Variants in HNF4A observed in about 807,000 individuals in gnomAD.
HNF4A encodes hepatocyte nuclear factor 4-alpha.
In HNF4A, 15 loss-of-function variants were observed where a neutral mutation model predicts 52.4. The ratio of observed to expected loss-of-function variants is 0.29; its 90% confidence interval spans 0.19 to 0.44. The LOEUF is 0.44. Ranked by LOEUF, HNF4A falls within the 20% of genes least tolerant of loss-of-function variation. The pLI is 1.00. For missense variants in HNF4A, 479 were observed against 647.2 expected (o/e 0.74, Z 2.82); for synonymous variants, 280 against 264.4 (o/e 1.06, Z -0.57).
intron 1 of HNF4A, among the ~76,000 whole-genome samples, chr20:44,404,570 G>A: frequency 6.6e-6 from 1 of 151,608 alleles, no homozygotes; most frequent in East Asian, 2.0e-4. Flanking sequence ...GACTGTATGT[G>A]TGCACACATT....
intron 1 of HNF4A, among the ~76,000 whole-genome samples, chr20:44,385,059 C>CTTTTTTTTTTTTTTTTTTTTGT (rs2063204575): frequency 2.9e-5 from 1 of 34,970 alleles, no homozygotes; most frequent in Non-Finnish European, 4.6e-5. Context: ...ACTCTGTGAT[C>CTTTTTTTTTTTTTTTTTTTTGT]TTTTTTTTTT....
At chr20:44,363,150 C>T (rs1600629203) in intron 1 of HNF4A, among the ~76,000 whole-genome samples, 1 of 152,070 alleles carries the variant, frequency 6.6e-6, no homozygotes, top group East Asian at 1.9e-4. Context: ...GCCACTGCGC[C>T]CGGCCGACCC....
intron 1 of HNF4A, among the ~76,000 whole-genome samples, chr20:44,394,163 G>A (rs905160518): frequency 6.6e-6 from 1 of 152,202 alleles, no homozygotes; most frequent in African/African-American, 2.4e-5. Context: ...GCCCTGGGAG[G>A]AGGGGGAGAA....
intron 8 of HNF4A, among the ~76,000 whole-genome samples, chr20:44,426,078 G>T (rs1011403652): frequency 1.3e-5 from 2 of 152,212 alleles, no homozygotes; most frequent in African/African-American, 4.8e-5. Flanking sequence ...TGTGGAATCA[G>T]GGGGAAGATG....
At chr20:44,420,053 C>T (rs889038765) in intron 7 of HNF4A, among the ~76,000 whole-genome samples, 177 bp downstream of exon 7, 1 of 152,078 alleles carries the variant, frequency 6.6e-6, no homozygotes, top group African/African-American at 2.4e-5. Context: ...ACAATATGGC[C>T]GGGCGCAGTG....
At chr20:44,421,879 AT>A (rs1333850359) in intron 7 of HNF4A, among the ~76,000 whole-genome samples, 1 of 147,350 alleles carries the variant, frequency 6.8e-6, no homozygotes, top group Non-Finnish European at 1.5e-5. Flanking sequence ...TATATATTTT[AT>A]ATATATATAG....
chr20:44,428,676 C>T (rs1378381467), intron 9 of HNF4A, among the ~76,000 whole-genome samples, 189 bp downstream of exon 9: 1 of 152,168 alleles, frequency 6.6e-6, no homozygotes, highest in African/African-American at 2.4e-5. Flanking sequence ...ACAGCCTTTA[C>T]TGAATGAAGC....
In HNF4A at chr20:44,355,736, C is replaced by A; in HGVS notation, c.-69C>A. ...TTCCTGGTGGACGGGCTCCTGGTGG[C>A]TGTGCTGCTGCTGTGAGCGGGCCCC... On this transcript the variant is annotated 5_prime_UTR_variant, in exon 1 of 10. The change creates a new upstream start codon in the 5' untranslated region. Transcript: ENST00000316673. 7.0e-7 allele frequency: 1 copy of A among 1,419,534 alleles called. No individual in the cohort carries two copies. Among genetic ancestry groups the A allele is most frequent in the Non-Finnish European group, 9.9e-7 (1 of 1,005,590 alleles). 87.9% of individuals were successfully genotyped at this position (1,419,534 alleles called of 1,614,324 possible).
intron 1 of HNF4A, among the ~76,000 whole-genome samples, chr20:44,387,680 C>T (rs867991496): frequency 0.01 from 30 of 2,858 alleles, no homozygotes; most frequent in African/African-American, 0.039. Context: ...GCGGGGGGGG[C>T]GGTGGAGCGG....
intron 1 of HNF4A, among the ~76,000 whole-genome samples, chr20:44,386,917 G>T (rs901681250): frequency 6.6e-6 from 1 of 151,784 alleles, no homozygotes; most frequent in Non-Finnish European, 1.5e-5. Context: ...TACCTGTTAC[G>T]CACCGAGCAC....
At chr20:44,399,458 A>G (rs773340258), upstream of HNF4A, among the ~76,000 whole-genome samples, 8 of 152,152 alleles carry the variant, frequency 5.3e-5, no homozygotes, top group Non-Finnish European at 1.0e-4. Flanking sequence ...CCCTACAGGC[A>G]ATAGCACTCC....
chr20:44,384,416 G>C (rs373492420), intron 1 of HNF4A: 6 of 152,224 alleles, frequency 3.9e-5, no homozygotes, highest in African/African-American at 1.4e-4. Flanking sequence ...TAAAAAATTA[G>C]TGAAACTTTG....
At position 44,401,335 on chromosome 20, in the gene HNF4A, A is replaced by G; in HGVS notation, c.-38A>G. The G allele has an allele frequency of 6.2e-7, 1 of 1,613,250 alleles. No individual in the cohort carries two copies. Among genetic ancestry groups the G allele is most frequent in the South Asian group, 1.1e-5 (1 of 91,066 alleles). Reference sequence around the variant, plus strand: ...GCGGGGGCCTTCGGGGTGGGCGCCCAGGGTAGGGCAGGTGGCCGCGGCGTG... The same window carrying G: ...GCGGGGGCCTTCGGGGTGGGCGCCCGGGGTAGGGCAGGTGGCCGCGGCGTG... On this transcript the variant is annotated 5_prime_UTR_variant, in exon 1 of 10. Coordinates refer to ENST00000316099, the MANE Select transcript of HNF4A (RefSeq NM_000457.6).
At chr20:44,366,019 A>G (rs1334069244) in intron 1 of HNF4A, among the ~76,000 whole-genome samples, 1 of 152,228 alleles carries the variant, frequency 6.6e-6, no homozygotes, top group Admixed American at 6.5e-5. Flanking sequence ...TGGGAGGTCA[A>G]GGCAGAAAAA....
intron 1 of HNF4A, among the ~76,000 whole-genome samples, chr20:44,387,996 G>A (rs2063251958): frequency 6.6e-6 from 1 of 152,128 alleles, no homozygotes; most frequent in Non-Finnish European, 1.5e-5. Flanking sequence ...GGAAGGGGAG[G>A]TGAGTCGTCC....
intron 3 of HNF4A, 101 bp downstream of exon 3, chr20:44,407,576 C>T: frequency 1.2e-6 from 1 of 838,094 alleles, no homozygotes; most frequent in East Asian, 2.6e-5. Context: ...GACTCAGTGG[C>T]AGGCCCCAGG....
chr20:44,394,666 CA>C (rs1024574901), intron 1 of HNF4A, among the ~76,000 whole-genome samples: 2 of 152,206 alleles, frequency 1.3e-5, no homozygotes, highest in African/African-American at 4.8e-5. Flanking sequence ...ACAGGGGGAA[CA>C]AGCAGACTGT....
rs117170639 is a variant in HNF4A at position 44,364,990 on chromosome 20, G to A, written c.49+9137G>A. On this transcript the variant is annotated intron_variant, in intron 1 of 9. Coordinates refer to the HNF4A transcript ENST00000316673. Reference sequence around the variant, plus strand: ...AATGCAAGGGGGTCTGGAAGATGTGGTCCCTAGCGGGGCGGGACTAGCTGT... The same window carrying A: ...AATGCAAGGGGGTCTGGAAGATGTGATCCCTAGCGGGGCGGGACTAGCTGT... Among the ~76,000 whole-genome samples the A allele has an allele frequency of 5.5e-3, 840 of 152,242 alleles. 4 individuals carry two copies. Among genetic ancestry groups the A allele is most frequent in the South Asian group, 0.015 (71 of 4,820 alleles).
chr20:44,399,520 C>G (rs1179018247), upstream of HNF4A, among the ~76,000 whole-genome samples: 1 of 152,110 alleles, frequency 6.6e-6, no homozygotes, highest in Non-Finnish European at 1.5e-5. Context: ...TAAAGCTAAG[C>G]AGGGCAGAGA....
Sources: allele counts gnomAD v4.1 joint callset (sites outside exome capture counted in the v4.1 genomes callset), GRCh38; gene constraint gnomAD v4.1.1; transcripts MANE v1.5; gene names NCBI Gene and HGNC (gene_info 2026-07-23, HGNC 2026-07-21).